UNC13D: variants seen among roughly 807,000 people sequenced by gnomAD.
UNC13D encodes the protein unc-13 homolog D.
A neutral mutation model predicts 151.7 loss-of-function variants in UNC13D; 115 were observed. The observed-to-expected ratio is 0.76, with a 90% CI of 0.65 to 0.88. UNC13D has a LOEUF of 0.88. Among genes scored for constraint, UNC13D ranks in the 40% least tolerant of loss-of-function variants. The pLI, the probability that UNC13D is intolerant of heterozygous loss-of-function variation, is 0.00. For missense variants in UNC13D, 1,369 were observed against 1,438.7 expected, an observed-to-expected ratio of 0.95 and a Z score of 0.78; for synonymous variants, 588 against 612.2, an observed-to-expected ratio of 0.96 and a Z score of 0.58.
At position 75,837,821 on chromosome 17, in the gene UNC13D, A is replaced by T. The variant is rs79584262; in HGVS notation, c.1056-903T>A. On this transcript the variant is annotated intron_variant, in intron 12 of 31. Coordinates refer to ENST00000207549, the MANE Select transcript of UNC13D (RefSeq NM_199242.3). ...CCTGAGCCTTCGTGCACATGTGGCA[A>T]GCATCAGTGAGAACTTCCTTTCAGA... Among the ~76,000 whole-genome samples, 2,633 of 151,966 alleles carry T rather than the reference A, an allele frequency of 0.017. 204 individuals are homozygous for T. The East Asian group carries it at 0.27, about 16-fold the overall frequency.
In UNC13D at chr17:75,839,322, A is replaced by G. The variant is rs533707824; in HGVS notation, c.1055+517T>C. Among the ~76,000 whole-genome samples the G allele has an allele frequency of 2.0e-5, 3 of 151,906 alleles. No individual in the cohort carries two copies. In the East Asian group the frequency reaches 5.8e-4, roughly 29 times the overall value. On this transcript the variant is annotated intron_variant, in intron 12 of 31. Coordinates refer to ENST00000207549, the MANE Select transcript of UNC13D (RefSeq NM_199242.3). ...GAGGCTGAGGCAGGAGAATCACTTG[A>G]ACCTGGAAGGCAGAGGTTGCATGCA...
intron 6 of UNC13D, 86 bp from the exon 7 acceptor site, chr17:75,841,087 G>T (rs2064945467): frequency 7.3e-6 from 11 of 1,505,220 alleles, no homozygotes; most frequent in South Asian, 1.1e-5. Flanking sequence ...CCAGAGCCAT[G>T]GAGTTGTAGC....
chr17:75,840,245 A>G lies in UNC13D; in HGVS notation c.838T>C (p.Phe280Leu), dbSNP rs751343803. 6.2e-7 allele frequency: 1 copy of G among 1,613,986 alleles called. No individual in the cohort carries two copies. The highest frequency in any genetic ancestry group is 8.5e-7 in the Non-Finnish European group (1 of 1,180,010). ...YPDRGQCHLQFQLIHKRRATS... is the reference protein window; with the variant it reads ...YPDRGQCHLQLQLIHKRRATS... ...CCTACCCGCTTATGGATGAGTTGGA[A>G]CTGGAGGTGGCACTGGCCTCGGTCT... The change falls in exon 10 of 32, where the codon TTC (phenylalanine) becomes CTC (leucine). Residue 280 changes from phenylalanine to leucine, a missense_variant. Physicochemically the swap from Phe to Leu is conservative, Grantham distance 22. Coordinates refer to ENST00000207549, the MANE Select transcript of UNC13D (RefSeq NM_199242.3). This position sits in a 1 kb window ranked among gnomAD's most constrained non-coding sequence, Gnocchi z 4.6.
chr17:75,836,218 GTGC>G lies in UNC13D; in HGVS notation c.1425_1427del (p.Gln475del). ...CCCTCACCTGCACCATGGGTTGATG[GTGC>G]TGCTGCTTCAGGTGGAACCATTCAG... On this transcript the variant is annotated inframe_deletion, in exon 16 of 32. Coordinates refer to ENST00000207549, the MANE Select transcript of UNC13D (RefSeq NM_199242.3). 6.2e-7 allele frequency: 1 copy of G among 1,612,086 alleles called. No homozygotes were observed. Among genetic ancestry groups the G allele is most frequent in the Non-Finnish European group, 8.5e-7 (1 of 1,179,432 alleles).
intron 30 of UNC13D, among the ~76,000 whole-genome samples, 186 bp from the exon 31 acceptor site, chr17:75,829,169 C>T (rs910129332): frequency 4.6e-5 from 7 of 152,240 alleles, no homozygotes; most frequent in African/African-American, 1.7e-4. Flanking sequence ...TTTAAACCAG[C>T]GGTCCTGTGT....
intron 28 of UNC13D, 34 bp downstream of exon 28, chr17:75,830,544 C>T (rs756840078): frequency 6.4e-7 from 1 of 1,572,000 alleles, no homozygotes; most frequent in Non-Finnish European, 8.6e-7. Flanking sequence ...GCTCCAGGGC[C>T]TGCAGAGGGC....
chr17:75,844,011 A>C, intron 1 of UNC13D: 1 of 1,422,714 alleles, frequency 7.0e-7, no homozygotes, highest in South Asian at 1.5e-5. Flanking sequence ...GCCTCAGACC[A>C]CAGGGCCTGA....
rs753670637 is a variant in UNC13D at position 75,840,033 on chromosome 17, C to T, written c.936G>A (p.Glu312=). The T allele has an allele frequency of 6.2e-7, 1 of 1,613,574 alleles. No individual in the cohort carries two copies. Among genetic ancestry groups the T allele is most frequent in the Admixed American group, 1.7e-5 (1 of 60,022 alleles). The part of the protein sequence containing the change: ...LHLLQQLVSH[E]VTQHEAGSTS... ...AGGGCAATACCTCGTGCTGGGTGAC[C>T]TCGTGGGACACAAGCTGCTGCAGGA... Residue 312 remains glutamate, a synonymous_variant, in exon 11 of 32, where the codon GAG becomes GAA. Coordinates refer to ENST00000207549, the MANE Select transcript of UNC13D (RefSeq NM_199242.3). This position sits in a 1 kb window ranked among gnomAD's most constrained non-coding sequence, Gnocchi z 4.6.
rs765196017 is a variant in UNC13D at position 75,828,991 on chromosome 17, G to A, written c.2955-8C>T. ...GGCTCAGCAGGCACCAGGCTGCGGG[G>A]AGAGTCAGGGCTCTGCTGCCAGCCC... On this transcript the variant is annotated splice_region_variant and splice_polypyrimidine_tract_variant and intron_variant, in intron 30 of 31. Transcript: ENST00000207549. 4.4e-5 allele frequency: 70 copies of A among 1,600,814 alleles called. No homozygotes were observed. Among genetic ancestry groups the A allele is most frequent in the Non-Finnish European group, 5.8e-5 (68 of 1,179,206 alleles).
chr17:75,836,549 G>A (rs575709608), intron 14 of UNC13D, 23 bp downstream of exon 14: 1 of 1,613,366 alleles, frequency 6.2e-7, no homozygotes, highest in South Asian at 1.1e-5. Context: ...ACCCCACCGA[G>A]GAAGAGGAAG....
Position 75,840,322 on chromosome 17 carries a change from C to T in UNC13D, c.761G>A (p.Arg254His), listed in dbSNP as rs774176637. The change falls in exon 10 of 32, where the codon CGC becomes CAC. Residue 254 changes from arginine to histidine, a missense_variant. This residue lies in a region of UNC13D where 550 missense variants were observed against 609.0 expected (regional missense o/e 0.90). Transcript: ENST00000207549. This position sits in a 1 kb window ranked among gnomAD's most constrained non-coding sequence, Gnocchi z 4.6. The stretch of plus-strand genomic sequence containing the variant: ...GGGGTACCACTGGTCCTCTCGGCAG[C>T]GCAGGTCCTGACAGGCGGGGATGCC... Reference protein sequence around the residue: ...GNVVLRLQDLRCREDQWYPLE... With the variant: ...GNVVLRLQDLHCREDQWYPLE... The T allele has an allele frequency of 5.0e-6, 8 of 1,613,622 alleles. No homozygotes were observed. Among genetic ancestry groups the T allele is most frequent in the East Asian group, 2.2e-5 (1 of 44,872 alleles).
In UNC13D at chr17:75,827,648, G is replaced by A. The variant is rs767459692; in HGVS notation, c.*317C>T. 3.7e-5 allele frequency: 57 copies of A among 1,534,540 alleles called. No homozygotes were observed. The highest frequency in any genetic ancestry group is 1.1e-5 in the Non-Finnish European group (13 of 1,146,130). On this transcript the variant is annotated 3_prime_UTR_variant, in exon 32 of 32. Transcript: ENST00000207549. ...GATGGGCCAGGGCCAGGAGACAGAT[G>A]GCCCAATCCCCTGCCCACCACAGCA...
rs897246043 is a variant in UNC13D, at chr17:75,833,617, G to A, written c.2367+458C>T. Among the ~76,000 whole-genome samples, 2 of 152,134 alleles carry A rather than the reference G, an allele frequency of 1.3e-5. No homozygotes were observed. Among genetic ancestry groups the A allele is most frequent in the Non-Finnish European group, 2.9e-5 (2 of 68,024 alleles). On this transcript the variant is annotated intron_variant, in intron 24 of 31. Coordinates refer to ENST00000207549, the MANE Select transcript of UNC13D (RefSeq NM_199242.3). This position sits in a 1 kb window ranked among gnomAD's most constrained non-coding sequence, Gnocchi z 4.0. The stretch of plus-strand genomic sequence containing the variant: ...TAGAACGTGGGCTCCAGGAAAGCAG[G>A]TATTTTGTCATATTGTTCACTGACC...
In UNC13D at chr17:75,831,298, G is replaced by A; in HGVS notation, c.2498C>T (p.Ala833Val). Residue 833 changes from alanine to valine, a missense_variant, in exon 26 of 32, where the codon GCC becomes GTC. Transcript: ENST00000207549. ...CAGGGATGAGCTGCGCTGGGAGGCG[G>A]CCGCCTCCACCAGCACTGTGAGTGT... ...THTLTVLVEA[A>V]ASQRSSSLAS... 6.2e-7 allele frequency: 1 copy of A among 1,613,590 alleles called. No individual in the cohort carries two copies. Among genetic ancestry groups the A allele is most frequent in the Non-Finnish European group, 8.5e-7 (1 of 1,180,014 alleles).
chr17:75,834,670 C>CG lies in UNC13D; in HGVS notation c.2038dup (p.Arg680ProfsTer25). On this transcript the variant is annotated frameshift_variant, in exon 22 of 32. Coordinates refer to ENST00000207549, the MANE Select transcript of UNC13D (RefSeq NM_199242.3). LOFTEE classifies it high-confidence loss of function. ...CTGGCCTGAAGAGAGCTCGCGGGCC[C>CG]GGGCCTTTATAAGGCTGCAGTACAC... 2 of 1,613,750 alleles carry CG rather than the reference C, an allele frequency of 1.2e-6. No individual in the cohort carries two copies. The highest frequency in any genetic ancestry group is 4.5e-5 in the East Asian group (2 of 44,882).
At position 75,840,558 on chromosome 17, in the gene UNC13D, C is replaced by T. The variant is rs976798737; in HGVS notation, c.702G>A (p.Arg234=). 1 of 1,614,092 alleles carries T rather than the reference C, an allele frequency of 6.2e-7. No individual in the cohort carries two copies. Among genetic ancestry groups the T allele is most frequent in the African/African-American group, 1.3e-5 (1 of 75,034 alleles). ...HGLRRIFKEA[R]KDKGQDDFLG... ...GAAAGTCGTCCTGGCCTTTGTCCTT[C>T]CGGGCCTCTTTAAAGATCCTGCGTC... The change falls in exon 9 of 32, where the codon CGG becomes CGA. Residue 234 remains arginine (R), a synonymous_variant. Coordinates refer to ENST00000207549, the MANE Select transcript of UNC13D (RefSeq NM_199242.3). The surrounding 1 kb of genome is among the most constrained non-coding windows in gnomAD (Gnocchi z 4.6).
rs759207238 is a variant in UNC13D, at chr17:75,831,325, T to G, written c.2471A>C (p.His824Pro). The part of the protein sequence containing the change: ...FSSLLTLLWT[H>P]TLTVLVEAAA... ...CGCCTCCACCAGCACTGTGAGTGTG[T>G]GGGTCCAGAGCAGGGTCAGGAGGCT... Residue 824 changes from histidine (H) to proline (P), a missense_variant, in exon 26 of 32, where the codon CAC becomes CCC. Around this residue, in one of 3 missense-constraint regions of UNC13D, gnomAD observed 807 missense variants for 795.5 expected, o/e 1.01. Transcript: ENST00000207549. 1 of 1,612,124 alleles carries G rather than the reference T, an allele frequency of 6.2e-7. No individual in the cohort carries two copies. Among genetic ancestry groups the G allele is most frequent in the South Asian group, 1.1e-5 (1 of 91,064 alleles).
rs1001766122 is a variant in UNC13D at position 75,834,430 on chromosome 17, C to G, written c.2193G>C (p.Val731=). The G allele has an allele frequency of 1.1e-5, 18 of 1,570,480 alleles. No homozygotes were observed. The highest frequency in any genetic ancestry group is 1.5e-5 in the Non-Finnish European group (18 of 1,163,752). ...TGTTCTGCAGCTGCCCCTGCTCCAG[C>G]ACGGCCCCTACCCGCTGCTCCAGGG... is the stretch of plus-strand genomic sequence containing the variant. ...WEALEQRVGA[V]LEQGQLQNTL... Residue 731 remains valine (V), a synonymous_variant, in exon 23 of 32, where the codon GTG becomes GTC. Coordinates refer to ENST00000207549, the MANE Select transcript of UNC13D (RefSeq NM_199242.3).
chr17:75,844,283 T>A lies in UNC13D; in HGVS notation c.55A>T (p.Ile19Phe). Residue 19 changes from isoleucine (I) to phenylalanine (F), a missense_variant, in exon 1 of 32, where the codon ATC becomes TTC. Physicochemically the swap from Ile to Phe is conservative, Grantham distance 21. Around this residue, in one of 3 missense-constraint regions of UNC13D, gnomAD observed 550 missense variants for 609.0 expected, o/e 0.90. Coordinates refer to ENST00000207549, the MANE Select transcript of UNC13D (RefSeq NM_199242.3). ...CTGACTCTGCGGCGCCTTATCTTGA[T>A]GGCCTGGCGCAAGAAGGGAGGGCGC... Reference protein sequence around the residue: ...QQRPPFLRQAIKIRRRRVRDL... With the variant: ...QQRPPFLRQAFKIRRRRVRDL... 1 of 1,612,914 alleles carries A rather than the reference T, an allele frequency of 6.2e-7. No individual in the cohort carries two copies. The highest frequency in any genetic ancestry group is 8.5e-7 in the Non-Finnish European group (1 of 1,179,964).
Sources: allele counts gnomAD v4.1 joint callset (sites outside exome capture counted in the v4.1 genomes callset), GRCh38; gene constraint gnomAD v4.1.1; regional missense constraint gnomAD v4.1.1; non-coding constraint Gnocchi (gnomAD v3.1); transcripts MANE v1.5; gene names NCBI Gene and HGNC (gene_info 2026-07-23, HGNC 2026-07-21).